Variants in FARP1 observed in about 807,000 individuals in gnomAD.
FARP1 encodes FERM, ARH/RhoGEF and pleckstrin domain protein 1, also known as FERM, ARHGEF and pleckstrin domain-containing protein 1.
A neutral mutation model predicts 128.8 loss-of-function variants in FARP1; 52 were observed. The ratio of observed to expected loss-of-function variants is 0.40; its 90% CI spans 0.32 to 0.51. The LOEUF is 0.51. FARP1 is among the 20% of genes least tolerant of loss of function. The pLI is 0.45. For missense variants in FARP1, 1,333 were observed against 1,367.9 expected (o/e 0.97, Z 0.40); for synonymous variants, 580 against 551.8 (o/e 1.05, Z -0.72).
At chr13:98,207,964 ACACACT>A (rs1250511909) in intron 1 of FARP1, among the ~76,000 whole-genome samples, 4 of 145,220 alleles carry the variant, frequency 2.8e-5, no homozygotes, top group Admixed American at 1.4e-4. Flanking sequence ...ACACACACAC[ACACACT>A]TTGATTCATT....
At chr13:98,346,973 T>C (rs1888204033) in intron 3 of FARP1, among the ~76,000 whole-genome samples, 1 of 152,188 alleles carries the variant, frequency 6.6e-6, no homozygotes, top group Non-Finnish European at 1.5e-5. Context: ...CAATGAAAGT[T>C]CCAAAATGCA....
chr13:98,294,202 T>C (rs1885565271), intron 2 of FARP1, among the ~76,000 whole-genome samples: 1 of 152,166 alleles, frequency 6.6e-6, no homozygotes, highest in South Asian at 2.1e-4. Context: ...CTGAGGCCTG[T>C]GGAAAGCACA....
intron 2 of FARP1, among the ~76,000 whole-genome samples, chr13:98,262,794 C>T (rs559146221): frequency 6.6e-6 from 1 of 151,992 alleles, no homozygotes; most frequent in South Asian, 2.1e-4. Context: ...CTCTGTCAGA[C>T]CCGAAGTTAA....
rs1354805057 is a variant in FARP1, at chr13:98,440,134, A to G, written c.2528A>G (p.Glu843Gly). 1 of 1,613,762 alleles carries G rather than the reference A, an allele frequency of 6.2e-7. No individual in the cohort carries two copies. Among genetic ancestry groups the G allele is most frequent in the East Asian group, 2.2e-5 (1 of 44,846 alleles). Residue 843 changes from glutamate to glycine, a missense_variant, in exon 23 of 27, where the codon GAG becomes GGG. By Grantham distance (98) the Glu-to-Gly change is moderately conservative. Around this residue, in one of 2 missense-constraint regions of FARP1, gnomAD observed 1,009 missense variants for 969.8 expected, o/e 1.04. Coordinates refer to ENST00000319562, the MANE Select transcript of FARP1 (RefSeq NM_005766.4). ...SIIVAASSRS[E>G]MEKWVEDIQM... ...GTCTCTGTCTCCAGTTCTCGGTCCG[A>G]GATGGAGAAGTGGGTTGAGGACATC...
intron 2 of FARP1, among the ~76,000 whole-genome samples, chr13:98,290,084 G>A (rs1404792512): frequency 2.0e-5 from 3 of 150,478 alleles, no homozygotes; most frequent in Non-Finnish European, 3.0e-5. Flanking sequence ...GTTGGGTGGC[G>A]AGGAGGGAGT....
At position 98,220,862 on chromosome 13, in the gene FARP1, GA is replaced by G. The variant is rs113914229; in HGVS notation, c.171+7459del. ...AACAGCTGTTTGCTATTTTATCCCTGAAAAAAAAAACCAGTATAACCTAATT... is the reference window on the plus strand; with the variant it reads ...AACAGCTGTTTGCTATTTTATCCCTGAAAAAAAAACCAGTATAACCTAATT... On this transcript the variant is annotated intron_variant, in intron 2 of 26. Coordinates refer to ENST00000319562, the MANE Select transcript of FARP1 (RefSeq NM_005766.4). Among the ~76,000 whole-genome samples the G allele has an allele frequency of 4.6e-3, 672 of 147,068 alleles. 8 individuals are homozygous for G. Among genetic ancestry groups the G allele is most frequent in the African/African-American group, 0.016 (649 of 39,922 alleles).
chr13:98,367,700 T>A (rs1889155411), intron 4 of FARP1, among the ~76,000 whole-genome samples: 1 of 152,200 alleles, frequency 6.6e-6, no homozygotes. Flanking sequence ...GCTGAAAACA[T>A]ATTTGATGAA....
intron 13 of FARP1, chr13:98,407,599 T>A (rs1008932079): frequency 1.3e-5 from 2 of 152,166 alleles, no homozygotes; most frequent in African/African-American, 4.8e-5. Flanking sequence ...TTAAAAAACA[T>A]GAGGATTTAA....
rs530527657 is a variant in FARP1 at position 98,158,034 on chromosome 13, G to A, written c.-24+14542G>A. On this transcript the variant is annotated intron_variant, in intron 1 of 26. Transcript: ENST00000319562. ...TGTTAGTTTGCTGCTTAAAAGATGA[G>A]CATGTTTGCTTAAAATTCTATGCAT... is the stretch of plus-strand genomic sequence containing the variant. Among the ~76,000 whole-genome samples the A allele has an allele frequency of 1.2e-4, 19 of 152,272 alleles. No homozygotes were observed. The South Asian group carries it at 3.9e-3, about 32-fold the overall frequency.
At chr13:98,231,956 T>C (rs1408165604) in intron 2 of FARP1, among the ~76,000 whole-genome samples, 2 of 152,060 alleles carry the variant, frequency 1.3e-5, no homozygotes, top group Non-Finnish European at 2.9e-5. Context: ...GCCTCCCAAG[T>C]AGCTGGGATT....
chr13:98,154,414 C>T (rs1876353693), intron 1 of FARP1, among the ~76,000 whole-genome samples: 1 of 152,118 alleles, frequency 6.6e-6, no homozygotes, highest in Non-Finnish European at 1.5e-5. Context: ...AGAAAAACAT[C>T]TTTAAGAAGG....
rs544271664 is a variant in FARP1, at chr13:98,316,597, C to T, written c.172-27165C>T. On this transcript the variant is annotated intron_variant, in intron 2 of 26. Transcript: ENST00000319562. ...CATGCCTTTGGGGTCCCACCTCTTT[C>T]GCCTTGGGGGTCTCCCAAGTCATCT... Among the ~76,000 whole-genome samples the T allele has an allele frequency of 5.9e-5, 9 of 152,302 alleles. No individual in the cohort carries two copies. The South Asian group carries it at 6.2e-4, about 11-fold the overall frequency.
intron 24 of FARP1, among the ~76,000 whole-genome samples, chr13:98,441,695 G>C (rs1892530886): frequency 6.6e-6 from 1 of 152,144 alleles, no homozygotes; most frequent in East Asian, 1.9e-4. Flanking sequence ...GACCGTTTTT[G>C]GTTTTGTGGC....
At chr13:98,293,657 C>A (rs1348497517) in intron 2 of FARP1, among the ~76,000 whole-genome samples, 2 of 152,108 alleles carry the variant, frequency 1.3e-5, no homozygotes, top group Admixed American at 6.5e-5. Context: ...CACAACTTAT[C>A]CTGAATGTGT....
rs1893173320 is a variant in FARP1 at position 98,451,191 on chromosome 13, G to GC, written c.*2877dup. ...CTGTAAATCAGAAAAGCTGCTGTCC[G>GC]CCCTGGCTCACTTAAAAATCAGGTA... On this transcript the variant is annotated 3_prime_UTR_variant, in exon 27 of 27. Coordinates refer to ENST00000319562, the MANE Select transcript of FARP1 (RefSeq NM_005766.4). The GC allele has an allele frequency of 6.6e-6, 1 of 152,036 alleles. No individual in the cohort carries two copies. The highest frequency in any genetic ancestry group is 1.5e-5 in the Non-Finnish European group (1 of 68,020). 9.4% of individuals were successfully genotyped at this position (152,036 alleles called of 1,614,324 possible). A position where few individuals can be genotyped will look rare whatever the true frequency, so the allele number is the denominator to read the frequency against.
chr13:98,235,202 A>G (rs1882344794), intron 2 of FARP1, among the ~76,000 whole-genome samples: 2 of 152,082 alleles, frequency 1.3e-5, no homozygotes, highest in Admixed American at 6.6e-5. Context: ...GAACACCTTC[A>G]TCAGTTTTAC....
chr13:98,320,510 C>T (rs1352200794), intron 2 of FARP1, among the ~76,000 whole-genome samples: 1 of 152,268 alleles, frequency 6.6e-6, no homozygotes, highest in African/African-American at 2.4e-5. Flanking sequence ...ACCTCTTTAT[C>T]CCTAGCAGCA....
chr13:98,442,891 G>A (rs1407737729), intron 24 of FARP1, among the ~76,000 whole-genome samples: 2 of 152,242 alleles, frequency 1.3e-5, no homozygotes, highest in East Asian at 1.9e-4. Flanking sequence ...CAAGGCTGGG[G>A]TTTGTCATAG....
At chr13:98,214,337 C>A (rs927059728) in intron 2 of FARP1, among the ~76,000 whole-genome samples, 1 of 152,194 alleles carries the variant, frequency 6.6e-6, no homozygotes, top group East Asian at 1.9e-4. Flanking sequence ...GAACTCTTAA[C>A]ACTCCTCGGA....
Sources: allele counts gnomAD v4.1 joint callset (sites outside exome capture counted in the v4.1 genomes callset), GRCh38; gene constraint gnomAD v4.1.1; regional missense constraint gnomAD v4.1.1; transcripts MANE v1.5; gene names NCBI Gene and HGNC (gene_info 2026-07-23, HGNC 2026-07-21).